The following PLS3 variants were observed in gnomAD, a reference collection of about 807,000 sequenced individuals.
The protein encoded by PLS3 is plastin 3.
Under a neutral mutation model 46.5 loss-of-function variants are expected in PLS3, and 11 were observed. The ratio of observed to expected loss-of-function variants is 0.24; its 90% confidence interval spans 0.15 to 0.39. PLS3 has a LOEUF of 0.39. Ranked by LOEUF, PLS3 falls within the 10% of genes least tolerant of loss-of-function variation. The probability of loss-of-function intolerance (pLI) is 1.00; values close to 1 mark genes in which losing one functional copy is unlikely to be tolerated. For missense variants in PLS3, 308 were observed against 461.8 expected, an observed-to-expected ratio of 0.67 and a Z score of 3.05; for synonymous variants, 167 against 162.2, an observed-to-expected ratio of 1.03 and a Z score of -0.22.
chrX:115,592,362 A>G (rs2074351253), intron 1 of PLS3, among the ~76,000 whole-genome samples: 1 of 111,589 alleles, frequency 9.0e-6, no homozygotes. Flanking sequence ...ACCTTGTGAA[A>G]TATGTGGAAT....
rs1007362175 is a variant in PLS3, at chrX:115,637,420, T to C, written c.891+442T>C. Reference sequence around the variant, plus strand: ...CCTTTAGTTGTGAGTTCCTCGAGGATAGCAATGAGCTCTTATTTATGTCTG... The same window carrying C: ...CCTTTAGTTGTGAGTTCCTCGAGGACAGCAATGAGCTCTTATTTATGTCTG... On this transcript the variant is annotated intron_variant, in intron 8 of 15. Transcript: ENST00000355899. Among the ~76,000 whole-genome samples, 6 of 111,555 alleles carry C rather than the reference T, an allele frequency of 5.4e-5. No homozygotes were observed. In the South Asian group the frequency reaches 1.9e-3, roughly 36 times the overall value.
chrX:115,649,632 G>A lies in PLS3; in HGVS notation c.*71G>A. 9.9e-7 allele frequency: 1 copy of A among 1,014,555 alleles called. No homozygotes were observed. The highest frequency in any genetic ancestry group is 1.4e-6 in the Non-Finnish European group (1 of 738,951). The allele number at this position is 1,014,555 out of a possible 1,213,427, so 83.6% of individuals were successfully genotyped here. On this transcript the variant is annotated 3_prime_UTR_variant, in exon 16 of 16. Transcript: ENST00000355899. ...CGCAGGTCAGCTATTTCCAGGTGAAGTGCTTATGGCTTAAGGAACTCTTGG... is the reference window on the plus strand; with the variant it reads ...CGCAGGTCAGCTATTTCCAGGTGAAATGCTTATGGCTTAAGGAACTCTTGG...
rs2074138115 is a variant in PLS3, at chrX:115,561,830, A to T, written c.-9+570A>T. 2.7e-5 allele frequency among the ~76,000 whole-genome samples: 3 copies of T among 110,982 alleles called. No homozygotes were observed. In the Admixed American group the frequency reaches 2.8e-4, roughly 11 times the overall value. ...GGAGAGGGGGGGCCGTGGCCGAGGG[A>T]AGGCACGAGGTTTGGGTTGCCTGCC... On this transcript the variant is annotated intron_variant, in intron 1 of 15. Coordinates refer to ENST00000355899, the MANE Select transcript of PLS3 (RefSeq NM_005032.7).
chrX:115,649,708 G>A lies in PLS3; in HGVS notation c.*147G>A. The A allele has an allele frequency of 2.2e-6, 1 of 445,853 alleles. No individual in the cohort carries two copies. The highest frequency in any genetic ancestry group is 3.7e-6 in the Non-Finnish European group (1 of 272,771). 36.7% of individuals were successfully genotyped at this position (445,853 alleles called of 1,213,427 possible). A position where few individuals can be genotyped will look rare whatever the true frequency, so the allele number is the denominator to read the frequency against. On this transcript the variant is annotated 3_prime_UTR_variant, in exon 16 of 16. Transcript: ENST00000355899. ...TTAACAGGACTAGCTTATCATGAGA[G>A]CCCTCAGGGGAAAGGGTTTAAGAAA...
At chrX:115,647,025 A>G (rs2074958560) in intron 13 of PLS3, among the ~76,000 whole-genome samples, 2 of 111,908 alleles carry the variant, frequency 1.8e-5, no homozygotes, top group African/African-American at 3.2e-5. Context: ...AGCACTGTCA[A>G]TCTGCTCCTC....
At chrX:115,634,479 A>C (rs782331831) in intron 6 of PLS3, among the ~76,000 whole-genome samples, 2 of 111,958 alleles carry the variant, frequency 1.8e-5, no homozygotes, top group African/African-American at 6.5e-5. Flanking sequence ...TGGGATGTGG[A>C]CATTGATAAC....
rs1293897887 is a variant in PLS3 at position 115,649,918 on chromosome X, A to G, written c.*357A>G. 1 of 129,872 alleles carries G rather than the reference A, an allele frequency of 7.7e-6. No homozygotes were observed. Among genetic ancestry groups the G allele is most frequent in the African/African-American group, 3.1e-5 (1 of 31,976 alleles). 10.7% of individuals were successfully genotyped at this position (129,872 alleles called of 1,213,427 possible). A position where few individuals can be genotyped will look rare whatever the true frequency, so the allele number is the denominator to read the frequency against. On this transcript the variant is annotated 3_prime_UTR_variant, in exon 16 of 16. Transcript: ENST00000355899. ...TGTCCCTCTCTTGGGACTTGCTTAG[A>G]TGATGGGATATGAATATTATTAGAC...
intron 1 of PLS3, among the ~76,000 whole-genome samples, chrX:115,601,613 C>A (rs1391440623): frequency 2.8e-5 from 3 of 108,615 alleles, no homozygotes; most frequent in African/African-American, 1.0e-4. Context: ...GCACATGTAC[C>A]CTAGAACTTA....
chrX:115,636,811 T>TG, intron 7 of PLS3, 25 bp from the exon 8 acceptor site: 1 of 1,168,206 alleles, frequency 8.6e-7, no homozygotes, highest in Non-Finnish European at 1.1e-6. Context: ...ATAATAACTG[T>TG]GGGATTTTTT....
intron 1 of PLS3, among the ~76,000 whole-genome samples, chrX:115,581,780 A>G (rs1286007997): frequency 8.9e-6 from 1 of 112,311 alleles, no homozygotes. Flanking sequence ...AACATTATGA[A>G]TGTGGGATTA....
intron 1 of PLS3, among the ~76,000 whole-genome samples, chrX:115,569,976 G>A (rs782382067): frequency 9.0e-6 from 1 of 111,170 alleles, no homozygotes; most frequent in African/African-American, 3.3e-5. Context: ...TCACCTTGTC[G>A]CCCAGGCTGG....
intron 10 of PLS3, among the ~76,000 whole-genome samples, chrX:115,644,609 A>AATAG (rs1308341648): frequency 9.2e-6 from 1 of 108,420 alleles, no homozygotes; most frequent in Non-Finnish European, 1.9e-5. Flanking sequence ...AAAATAAATA[A>AATAG]ATAAATAAAT....
intron 1 of PLS3, among the ~76,000 whole-genome samples, chrX:115,596,942 C>G (rs189326153): frequency 5.2e-4 from 57 of 109,215 alleles, no homozygotes; most frequent in Admixed American, 1.4e-3. Context: ...ATCAGGAGTT[C>G]GAGACCAGCC....
chrX:115,607,291 A>C (rs200055665), intron 1 of PLS3, among the ~76,000 whole-genome samples: 4 of 1,668 alleles, frequency 2.4e-3, no homozygotes, highest in East Asian at 0.33. Flanking sequence ...CAACAACAAA[A>C]AAAAAACCCA....
intron 1 of PLS3, among the ~76,000 whole-genome samples, chrX:115,593,797 A>G (rs2074362578): frequency 8.9e-6 from 1 of 111,851 alleles, no homozygotes; most frequent in Non-Finnish European, 1.9e-5. Flanking sequence ...TTATTCAAGT[A>G]GAATAAAATT....
Position 115,567,103 on chromosome X carries a change from A to G in PLS3, c.-9+5843A>G, listed in dbSNP as rs1314214540. Among the ~76,000 whole-genome samples the G allele has an allele frequency of 2.7e-5, 3 of 111,800 alleles. No individual in the cohort carries two copies. The East Asian group carries it at 8.4e-4, about 31-fold the overall frequency. The stretch of plus-strand genomic sequence containing the variant: ...AGTAGAATTTTGGTCTTCAGTGGTA[A>G]TTGTTACAGAGTCCATTGGCTTACC... On this transcript the variant is annotated intron_variant, in intron 1 of 15. Transcript: ENST00000355899.
chrX:115,632,001 A>G (rs2074781339), intron 5 of PLS3, among the ~76,000 whole-genome samples: 1 of 109,278 alleles, frequency 9.2e-6, no homozygotes, highest in Non-Finnish European at 1.9e-5. Context: ...ACAGGGTTTC[A>G]CCATGTTGGC....
chrX:115,592,538 C>T (rs1406851260), intron 1 of PLS3, among the ~76,000 whole-genome samples: 3 of 111,629 alleles, frequency 2.7e-5, no homozygotes, highest in Non-Finnish European at 5.6e-5. Context: ...GAAACGGCCT[C>T]TTCAGCCTAG....
chrX:115,577,737 A>G (rs1325779987), intron 1 of PLS3, among the ~76,000 whole-genome samples: 3 of 111,335 alleles, frequency 2.7e-5, no homozygotes, highest in Non-Finnish European at 5.7e-5. Context: ...CTCGGCCTCT[A>G]AAAGTGCTGG....
Sources: gnomAD v4.1 joint callset for allele counts (sites outside exome capture counted in the v4.1 genomes callset) on GRCh38, gnomAD v4.1.1 for gene constraint, MANE v1.5 for transcripts, NCBI Gene and HGNC (gene_info 2026-07-23, HGNC 2026-07-21) for gene names.